TSGA10: variants seen among roughly 807,000 people sequenced by gnomAD.
TSGA10 encodes the protein testis-specific gene 10 protein.
In TSGA10, 43 loss-of-function variants were observed where a neutral mutation model predicts 96.6. That is an observed-to-expected ratio of 0.44 (90% CI 0.35 to 0.57). TSGA10 has a LOEUF of 0.57. TSGA10 is among the 20% of genes least tolerant of loss of function. TSGA10 has a pLI of 0.01. For synonymous variants in TSGA10, 229 were observed against 269.9 expected (o/e 0.85, Z 1.48); for missense variants, 703 against 834.4 (o/e 0.84, Z 1.94).
chr2:99,096,064 AT>A (rs1218941788), intron 10 of TSGA10, among the ~76,000 whole-genome samples: 1 of 152,190 alleles, frequency 6.6e-6, no homozygotes, highest in Non-Finnish European at 1.5e-5. Flanking sequence ...GAGAAAAATA[AT>A]TTTTCCATAA....
At chr2:99,024,072 G>A (rs181744443) in intron 17 of TSGA10, among the ~76,000 whole-genome samples, 191 of 150,922 alleles carry the variant, frequency 1.3e-3, no homozygotes, top group Non-Finnish European at 1.9e-3. Context: ...ACAATGTTCT[G>A]TAGTTTTGTA....
intron 1 of TSGA10, among the ~76,000 whole-genome samples, chr2:99,127,941 A>C (rs1294670432): frequency 3.3e-5 from 5 of 152,242 alleles, no homozygotes; most frequent in Non-Finnish European, 7.3e-5. Flanking sequence ...CAAATGTTAG[A>C]GATTTTTCAC....
At chr2:99,073,995 C>CTTT (rs2086298056) in intron 12 of TSGA10, among the ~76,000 whole-genome samples, 4 of 36,138 alleles carry the variant, frequency 1.1e-4, no homozygotes, top group African/African-American at 4.5e-4. Flanking sequence ...GTTCCTGTTT[C>CTTT]TTTTCTTTTT....
intron 16 of TSGA10, among the ~76,000 whole-genome samples, chr2:99,059,234 A>C (rs1032538160): frequency 3.3e-5 from 5 of 151,614 alleles, no homozygotes; most frequent in African/African-American, 1.2e-4. Flanking sequence ...TTTTAAAGCA[A>C]TGTATTAGCC....
At position 99,018,531 on chromosome 2, in the gene TSGA10, C is replaced by A; in HGVS notation, c.1922+5G>T. The A allele has an allele frequency of 6.2e-7, 1 of 1,612,124 alleles. No homozygotes were observed. Among genetic ancestry groups the A allele is most frequent in the Non-Finnish European group, 8.5e-7 (1 of 1,179,240 alleles). On this transcript the variant is annotated splice_donor_5th_base_variant and intron_variant, in intron 19 of 20. Transcript: ENST00000393483. ...GTTTTTGAGCTTGCATAGAGATAAA[C>A]TTACCTTTCAAAGCGCTCTGTTCCT...
chr2:99,141,169 G>T (rs774174753), intron 1 of TSGA10: 50 of 1,256,936 alleles, frequency 4.0e-5, no homozygotes, highest in Non-Finnish European at 4.7e-5. Context: ...CGGCCTCAGC[G>T]GGGGATACAA....
chr2:99,041,910 T>C (rs1487643121), intron 16 of TSGA10, among the ~76,000 whole-genome samples: 1 of 152,108 alleles, frequency 6.6e-6, no homozygotes. Context: ...AGAAAATCTT[T>C]GCAAATGACG....
chr2:99,034,864 G>A (rs77236356), intron 17 of TSGA10, among the ~76,000 whole-genome samples: 2,653 of 152,236 alleles, frequency 0.017, 44 homozygotes, highest in East Asian at 0.07. Context: ...AATCAACTGA[G>A]TTACAGTTAA....
At chr2:99,085,899 T>C (rs755512163) in intron 10 of TSGA10, among the ~76,000 whole-genome samples, 1 of 152,128 alleles carries the variant, frequency 6.6e-6, no homozygotes, top group Non-Finnish European at 1.5e-5. Flanking sequence ...TTACCAAAGC[T>C]GACTTTGAGA....
chr2:99,036,940 C>T (rs1280973963), intron 16 of TSGA10, among the ~76,000 whole-genome samples: 1 of 152,012 alleles, frequency 6.6e-6, no homozygotes, highest in Non-Finnish European at 1.5e-5. Flanking sequence ...CCTTAATGTG[C>T]ACATTCCTAA....
At chr2:99,149,858 TA>T (rs1448422481) in intron 1 of TSGA10, among the ~76,000 whole-genome samples, 1 of 147,368 alleles carries the variant, frequency 6.8e-6, no homozygotes, top group Non-Finnish European at 1.5e-5. Flanking sequence ...AGTGGTGCAA[TA>T]TTGGCTCACT....
At chr2:99,040,228 T>C (rs1221487914) in intron 16 of TSGA10, among the ~76,000 whole-genome samples, 1 of 152,172 alleles carries the variant, frequency 6.6e-6, no homozygotes, top group African/African-American at 2.4e-5. Context: ...ATGCCCACTT[T>C]CACTACTTCT....
intron 4 of TSGA10, among the ~76,000 whole-genome samples, chr2:99,115,899 A>T (rs890333259): frequency 6.6e-6 from 1 of 152,062 alleles, no homozygotes; most frequent in Admixed American, 6.6e-5. Flanking sequence ...AAAAAGTTCT[A>T]TTATTTGACT....
intron 17 of TSGA10, among the ~76,000 whole-genome samples, chr2:99,032,425 A>T (rs1042010729): frequency 6.6e-6 from 1 of 152,258 alleles, no homozygotes; most frequent in Non-Finnish European, 1.5e-5. Context: ...AGGTAGATTC[A>T]CATTCTCCAA....
At chr2:99,051,117 T>C (rs528799268) in intron 16 of TSGA10, among the ~76,000 whole-genome samples, 1 of 152,282 alleles carries the variant, frequency 6.6e-6, no homozygotes, top group South Asian at 2.1e-4. Context: ...TTTCTCAGAA[T>C]ATATTTTCAT....
chr2:99,133,017 TC>T (rs1559119202), intron 1 of TSGA10, among the ~76,000 whole-genome samples: 1 of 152,218 alleles, frequency 6.6e-6, no homozygotes, highest in Non-Finnish European at 1.5e-5. Context: ...AATTATGCGG[TC>T]AATTTTAGAA....
intron 12 of TSGA10, 53 bp from the exon 13 acceptor site, chr2:99,073,126 T>C (rs1357826788): frequency 5.6e-6 from 7 of 1,258,710 alleles, no homozygotes; most frequent in Non-Finnish European, 7.9e-6. Flanking sequence ...GTTATTTCTG[T>C]TAAAATTGAA....
chr2:99,099,386 T>G (rs2104759200), intron 10 of TSGA10, among the ~76,000 whole-genome samples: 1 of 152,282 alleles, frequency 6.6e-6, no homozygotes, highest in South Asian at 2.1e-4. Flanking sequence ...AAAATAGATG[T>G]AAATATACAA....
intron 1 of TSGA10, among the ~76,000 whole-genome samples, chr2:99,145,507 T>C (rs1446490572): frequency 6.6e-6 from 1 of 150,884 alleles, no homozygotes; most frequent in East Asian, 1.9e-4. Context: ...GCAGTCACCC[T>C]AGATCACACC....
Sources: allele counts gnomAD v4.1 joint callset (sites outside exome capture counted in the v4.1 genomes callset), GRCh38; gene constraint gnomAD v4.1.1; transcripts MANE v1.5; gene names NCBI Gene and HGNC (gene_info 2026-07-23, HGNC 2026-07-21).